The following PDE11A variants were observed in gnomAD, a reference collection of about 807,000 sequenced individuals.
The protein encoded by PDE11A is phosphodiesterase 11A, also known as dual 3',5'-cyclic-AMP and -GMP phosphodiesterase 11A.
PDE11A carries 100 observed loss-of-function variants against 100.5 expected under a neutral mutation model. The ratio of observed to expected loss-of-function variants is 1.00; its 90% CI spans 0.85 to 1.18. The LOEUF (loss-of-function observed/expected upper bound fraction) is 1.18, where lower values mean the gene tolerates loss of function less well. Ranked by LOEUF, PDE11A falls within the 50% of genes most tolerant of loss-of-function variation. The pLI is 0.00. For missense variants in PDE11A, 1,141 were observed against 1,152.6 expected (o/e 0.99, Z 0.15); for synonymous variants, 381 against 420.8 (o/e 0.91, Z 1.16).
intron 4 of PDE11A, among the ~76,000 whole-genome samples, chr2:177,896,160 G>A (rs760367757): frequency 6.6e-6 from 1 of 152,160 alleles, no homozygotes; most frequent in South Asian, 2.1e-4. Flanking sequence ...ACCAGCCAGC[G>A]CTGTTATCGT....
At chr2:177,931,233 C>G (rs1387179432) in intron 2 of PDE11A, among the ~76,000 whole-genome samples, 2 of 152,102 alleles carry the variant, frequency 1.3e-5, no homozygotes, top group African/African-American at 4.8e-5. Flanking sequence ...TGTCAACGTT[C>G]TATTTTATTT....
chr2:177,835,385 C>T (rs2083378908), intron 6 of PDE11A, among the ~76,000 whole-genome samples: 1 of 152,144 alleles, frequency 6.6e-6, no homozygotes, highest in African/African-American at 2.4e-5. Flanking sequence ...CCTCTCTTCA[C>T]AGAGGGGTAA....
intron 2 of PDE11A, among the ~76,000 whole-genome samples, chr2:178,013,308 G>A (rs191424210): frequency 3.8e-4 from 58 of 152,258 alleles, no homozygotes; most frequent in African/African-American, 1.3e-3. Flanking sequence ...TTACTTCATT[G>A]TAAGAAATCT....
At chr2:177,872,323 C>T (rs1226773686) in intron 5 of PDE11A, among the ~76,000 whole-genome samples, 1 of 152,206 alleles carries the variant, frequency 6.6e-6, no homozygotes, top group Non-Finnish European at 1.5e-5. Context: ...TCTATCATGA[C>T]ATAGTGAGAA....
At chr2:177,946,307 C>T (rs2085428431) in intron 2 of PDE11A, among the ~76,000 whole-genome samples, 2 of 142,454 alleles carry the variant, frequency 1.4e-5, no homozygotes, top group African/African-American at 2.6e-5. Context: ...CCCGGCCAGC[C>T]GCCCCGTCCG....
rs995903794 is a variant in PDE11A, at chr2:177,658,933, T to G, written c.2646+4933A>C. ...CAGAGAACCTATTAATATTGCATCA[T>G]GTGGAATGTATTTTTCAAAATGACC... is the stretch of plus-strand genomic sequence containing the variant. On this transcript the variant is annotated intron_variant, in intron 19 of 19. Coordinates refer to ENST00000286063, the MANE Select transcript of PDE11A (RefSeq NM_016953.4). Among the ~76,000 whole-genome samples, 3 of 152,066 alleles carry G rather than the reference T, an allele frequency of 2.0e-5. No homozygotes were observed. In the East Asian group the frequency reaches 5.8e-4, roughly 29 times the overall value.
rs371518765 is a variant in PDE11A at position 177,817,929 on chromosome 2, T to C, written c.1577-4A>G. 455 of 1,387,332 alleles carry C rather than the reference T, an allele frequency of 3.3e-4. 1 individual carries two copies. In the African/African-American group the frequency reaches 5.5e-3, roughly 17 times the overall value. The allele number at this position is 1,387,332 out of a possible 1,614,324, so 85.9% of individuals were successfully genotyped here. ...CTGTTTAACACTTGAGCCACTCCTA[T>C]GGGGAAAGAGTGGATTATGTGGTCA... is the stretch of plus-strand genomic sequence containing the variant. On this transcript the variant is annotated splice_polypyrimidine_tract_variant and splice_region_variant and intron_variant, in intron 7 of 19. Coordinates refer to ENST00000286063, the MANE Select transcript of PDE11A (RefSeq NM_016953.4).
At chr2:177,779,034 G>C (rs2082417084) in intron 9 of PDE11A, among the ~76,000 whole-genome samples, 1 of 152,148 alleles carries the variant, frequency 6.6e-6, no homozygotes, top group Non-Finnish European at 1.5e-5. Flanking sequence ...ATACCTCAGA[G>C]ATATTGAGAG....
At chr2:177,871,892 A>C (rs936666540) in intron 5 of PDE11A, among the ~76,000 whole-genome samples, 3 of 152,166 alleles carry the variant, frequency 2.0e-5, no homozygotes, top group Non-Finnish European at 2.9e-5. Flanking sequence ...CTCCAGGAAT[A>C]CTTCAAGGAT....
At chr2:177,983,386 G>A (rs1362645000) in intron 2 of PDE11A, among the ~76,000 whole-genome samples, 3 of 152,130 alleles carry the variant, frequency 2.0e-5, no homozygotes, top group African/African-American at 4.8e-5. Flanking sequence ...AAGGCCACAC[G>A]GTGGCACTAT....
intron 9 of PDE11A, among the ~76,000 whole-genome samples, chr2:177,809,884 C>T (rs1415947549): frequency 6.6e-6 from 1 of 152,144 alleles, no homozygotes; most frequent in Non-Finnish European, 1.5e-5. Flanking sequence ...CTTGTAGTCT[C>T]TGAGTCTAGC....
chr2:177,818,750 T>A (rs1039159991), intron 7 of PDE11A, among the ~76,000 whole-genome samples: 10 of 151,988 alleles, frequency 6.6e-5, no homozygotes, highest in Admixed American at 6.6e-4. Flanking sequence ...AAACTTCACC[T>A]CTAGTATTAT....
chr2:177,874,907 A>T (rs937370936), intron 5 of PDE11A, among the ~76,000 whole-genome samples: 10 of 152,298 alleles, frequency 6.6e-5, no homozygotes, highest in African/African-American at 2.2e-4. Context: ...GAGTCAGCAG[A>T]GTATCTTAAG....
At chr2:177,757,309 C>T (rs1034561819) in intron 10 of PDE11A, among the ~76,000 whole-genome samples, 1 of 152,152 alleles carries the variant, frequency 6.6e-6, no homozygotes, top group Non-Finnish European at 1.5e-5. Flanking sequence ...CAGCATGAAC[C>T]AAGGTCTCCA....
intron 2 of PDE11A, chr2:177,997,201 A>G (rs1242779175): frequency 1.7e-5 from 22 of 1,269,338 alleles, no homozygotes; most frequent in Non-Finnish European, 2.5e-5. Flanking sequence ...TATTCAGTAG[A>G]GTCTTCCACG....
chr2:178,085,088 T>C (rs1351979039), intron 2 of PDE11A, among the ~76,000 whole-genome samples: 1 of 152,212 alleles, frequency 6.6e-6, no homozygotes, highest in Non-Finnish European at 1.5e-5. Context: ...CCACAGTCTA[T>C]ATGCCATGTG....
chr2:177,745,023 A>G (rs1344917), intron 10 of PDE11A, among the ~76,000 whole-genome samples: 102,959 of 152,182 alleles, frequency 0.68, 37,604 homozygotes, highest in East Asian at 0.86. Flanking sequence ...TCCGCAACAT[A>G]ACCTAGTGAA....
At position 177,669,551 on chromosome 2, in the gene PDE11A, G is replaced by T. The variant is rs75226037; in HGVS notation, c.2504C>A (p.Thr835Asn). The T allele has an allele frequency of 6.8e-7, 1 of 1,464,376 alleles. No homozygotes were observed. The highest frequency in any genetic ancestry group is 9.6e-7 in the Non-Finnish European group (1 of 1,043,676). 90.7% of individuals were successfully genotyped at this position (1,464,376 alleles called of 1,614,324 possible). A position where few individuals can be genotyped will look rare whatever the true frequency, so the allele number is the denominator to read the frequency against. ...ATCTCCTTGTTCGAAGAACTCACTG[G>T]TTACAAGTTCTGCCACCTGAAACAT... ...EISRQVAELV[T>N]SEFFEQGDRE... is the part of the protein sequence containing the mutation. Residue 835 changes from threonine (T) to asparagine (N), a missense_variant, in exon 18 of 20, where the codon ACC (threonine) becomes AAC (asparagine). Physicochemically the swap from Thr to Asn is moderately conservative, Grantham distance 65 (BLOSUM62 0). Transcript: ENST00000286063.
chr2:177,919,599 C>T (rs2085008638), intron 2 of PDE11A, among the ~76,000 whole-genome samples: 1 of 151,638 alleles, frequency 6.6e-6, no homozygotes, highest in South Asian at 2.1e-4. Flanking sequence ...TGATAAAATC[C>T]AATACCCAAT....
Sources: allele counts gnomAD v4.1 joint callset (sites outside exome capture counted in the v4.1 genomes callset), GRCh38; gene constraint gnomAD v4.1.1; transcripts MANE v1.5; gene names NCBI Gene and HGNC (gene_info 2026-07-23, HGNC 2026-07-21).